The following IFT88 variants were observed in gnomAD, a reference collection of about 807,000 sequenced individuals.
IFT88 encodes the protein intraflagellar transport 88, also known as intraflagellar transport protein 88 homolog.
Under a neutral mutation model 119.5 loss-of-function variants are expected in IFT88, and 74 were observed. The observed-to-expected ratio is 0.62, with a 90% confidence interval of 0.51 to 0.75. IFT88 has a LOEUF of 0.75. Ranked by LOEUF, IFT88 falls within the 30% of genes least tolerant of loss-of-function variation. The pLI is 0.00. For missense variants in IFT88, 961 were observed against 977.7 expected (o/e 0.98, Z 0.23); for synonymous variants, 279 against 316.7 (o/e 0.88, Z 1.26).
rs1179383894 is a variant in IFT88 at position 20,653,895 on chromosome 13, C to A, written c.1969C>A (p.Gln657Lys). 1 of 1,582,518 alleles carries A rather than the reference C, an allele frequency of 6.3e-7. No individual in the cohort carries two copies. Among genetic ancestry groups the A allele is most frequent in the African/African-American group, 1.4e-5 (1 of 73,882 alleles). Residue 657 changes from glutamine (Q) to lysine (K), a missense_variant, in exon 21 of 26, where the codon CAG becomes AAG. Coordinates refer to ENST00000351808, the MANE Select transcript of IFT88 (RefSeq NM_006531.5). ...SLIQPTQVKW[Q>K]LMVASCFRRS... ...TTATAGGCCTACACAAGTGAAATGG[C>A]AGCTGATGGTAGCTAGTTGTTTCAG...
chr13:20,573,834 A>G (rs1247083249), intron 1 of IFT88, among the ~76,000 whole-genome samples: 1 of 152,156 alleles, frequency 6.6e-6, no homozygotes, highest in Admixed American at 6.5e-5. Context: ...AAATCAGGAC[A>G]ATCAATTGTA....
In IFT88 at chr13:20,626,268, G is replaced by T. The variant is rs147912876; in HGVS notation, c.1299+419G>T. On this transcript the variant is annotated intron_variant, in intron 15 of 25. Transcript: ENST00000351808. ...ATACAGATGGGGTTTCACCGTGTTA[G>T]CCAGGATGGTCTCGATCTCCTGACC... Among the ~76,000 whole-genome samples the T allele has an allele frequency of 7.2e-5, 11 of 151,954 alleles. No homozygotes were observed. The South Asian group carries it at 2.3e-3, about 32-fold the overall frequency.
chr13:20,606,434 G>A (rs1478294965), intron 13 of IFT88, among the ~76,000 whole-genome samples: 8 of 152,170 alleles, frequency 5.3e-5, no homozygotes, highest in Non-Finnish European at 2.9e-5. Flanking sequence ...TGTCAACGGA[G>A]GCCATGTGGC....
At position 20,663,322 on chromosome 13, in the gene IFT88, A is replaced by G. The variant is rs780870236; in HGVS notation, c.2069-176A>G. 7.9e-6 allele frequency: 12 copies of G among 1,512,358 alleles called. No homozygotes were observed. In the Admixed American group the frequency reaches 2.4e-4, roughly 30 times the overall value. The allele number at this position is 1,512,358 out of a possible 1,614,324, so 93.7% of individuals were successfully genotyped here. On this transcript the variant is annotated intron_variant, in intron 22 of 25. Coordinates refer to ENST00000351808, the MANE Select transcript of IFT88 (RefSeq NM_006531.5). ...AGACCCTTTAAACCTCCTTCCAAGG[A>G]AGTCAGTTCTCCCTGGTCCAGAGAT...
intron 15 of IFT88, among the ~76,000 whole-genome samples, chr13:20,629,669 T>C (rs2047899359): frequency 6.6e-6 from 1 of 152,242 alleles, no homozygotes; most frequent in South Asian, 2.1e-4. Context: ...GTTTGCCTAC[T>C]GGTATTTCAT....
chr13:20,587,892 A>AT (rs1268121184), intron 3 of IFT88, among the ~76,000 whole-genome samples: 1 of 150,512 alleles, frequency 6.6e-6, no homozygotes, highest in African/African-American at 2.4e-5. Flanking sequence ...ATTGGTTTTT[A>AT]TTTTTTTAAT....
At chr13:20,656,508 AC>A (rs1474736872) in intron 22 of IFT88, 78 bp downstream of exon 22, 2 of 592,272 alleles carry the variant, frequency 3.4e-6, no homozygotes, top group Admixed American at 3.3e-5. Context: ...TACCTTTGCT[AC>A]AGTAATTGTA....
At chr13:20,574,075 C>T (rs1436713137) in intron 1 of IFT88, among the ~76,000 whole-genome samples, 2 of 151,978 alleles carry the variant, frequency 1.3e-5, no homozygotes, top group African/African-American at 4.8e-5. Flanking sequence ...GCTGGTAATC[C>T]CAGCATTTTG....
intron 2 of IFT88, among the ~76,000 whole-genome samples, chr13:20,579,390 C>A (rs573936522): frequency 1.3e-5 from 2 of 152,304 alleles, no homozygotes; most frequent in Admixed American, 6.5e-5. Flanking sequence ...TCTTTCCACC[C>A]TTTTCCCCAG....
intron 9 of IFT88, among the ~76,000 whole-genome samples, chr13:20,597,700 T>C (rs556909119): frequency 4.3e-4 from 64 of 149,284 alleles, no homozygotes; most frequent in East Asian, 1.9e-3. Flanking sequence ...GCCAAGATCT[T>C]GCCACCACAC....
chr13:20,626,092 G>A (rs1396110764), intron 15 of IFT88, among the ~76,000 whole-genome samples: 5 of 87,872 alleles, frequency 5.7e-5, no homozygotes, highest in Non-Finnish European at 7.9e-5. Context: ...ATGGAGTCTC[G>A]CTCTGTTGCC....
At chr13:20,617,500 T>C (rs1158686193) in intron 14 of IFT88, among the ~76,000 whole-genome samples, 2 of 152,216 alleles carry the variant, frequency 1.3e-5, no homozygotes, top group Non-Finnish European at 2.9e-5. Context: ...TCTTGGTCTT[T>C]TATTAACTTG....
chr13:20,689,705 G>T (rs183537395), intron 24 of IFT88, among the ~76,000 whole-genome samples: 2 of 151,866 alleles, frequency 1.3e-5, no homozygotes, highest in Admixed American at 1.3e-4. Context: ...TATATATTTG[G>T]TGGCTTATCT....
At chr13:20,585,276 A>G (rs528095321) in intron 3 of IFT88, among the ~76,000 whole-genome samples, 4 of 152,286 alleles carry the variant, frequency 2.6e-5, no homozygotes, top group African/African-American at 9.6e-5. Context: ...CAGGCTTGAT[A>G]ATTCTCTGGA....
chr13:20,668,779 C>T (rs757686269), intron 23 of IFT88, among the ~76,000 whole-genome samples: 1 of 152,170 alleles, frequency 6.6e-6, no homozygotes, highest in Non-Finnish European at 1.5e-5. Context: ...GGAGGGCAGG[C>T]AGACAGGGAT....
intron 12 of IFT88, among the ~76,000 whole-genome samples, chr13:20,603,602 A>G (rs868843112): frequency 6.6e-6 from 1 of 152,132 alleles, no homozygotes; most frequent in Non-Finnish European, 1.5e-5. Flanking sequence ...AATGCTTAAA[A>G]TAGTACCTGG....
intron 6 of IFT88, 36 bp from the exon 7 acceptor site, chr13:20,592,299 T>C: frequency 6.5e-7 from 1 of 1,539,166 alleles, no homozygotes; most frequent in South Asian, 1.2e-5. Context: ...TTTGCTGAGT[T>C]ACAAATTGAA....
chr13:20,687,019 TACC>T (rs1437339121), intron 24 of IFT88, among the ~76,000 whole-genome samples: 33 of 74,596 alleles, frequency 4.4e-4, no homozygotes, highest in Middle Eastern at 0.013. Context: ...GTCACTTTCT[TACC>T]AAAAAAAAAA....
intron 16 of IFT88, among the ~76,000 whole-genome samples, chr13:20,637,403 A>T (rs910773909): frequency 6.6e-5 from 10 of 152,196 alleles, no homozygotes; most frequent in African/African-American, 2.4e-4. Context: ...GAAGGTGCAG[A>T]AGGGGAGCTG....
Sources: allele counts gnomAD v4.1 joint callset (sites outside exome capture counted in the v4.1 genomes callset), GRCh38; gene constraint gnomAD v4.1.1; transcripts MANE v1.5; gene names NCBI Gene and HGNC (gene_info 2026-07-23, HGNC 2026-07-21).